HPSE2: variants seen among roughly 807,000 people sequenced by gnomAD.
HPSE2 encodes heparanase 2 (inactive).
A neutral mutation model predicts 60.5 loss-of-function variants in HPSE2; 38 were observed. That is an observed-to-expected ratio of 0.63 (90% CI 0.48 to 0.82). The LOEUF (loss-of-function observed/expected upper bound fraction) is 0.82, where lower values mean the gene tolerates loss of function less well. HPSE2 is among the 40% of genes least tolerant of loss of function. HPSE2 has a pLI of 0.00. For missense variants in HPSE2, 713 were observed against 740.4 expected, an observed-to-expected ratio of 0.96 and a Z score of 0.43; for synonymous variants, 295 against 293.2, an observed-to-expected ratio of 1.01 and a Z score of -0.06.
intron 3 of HPSE2, among the ~76,000 whole-genome samples, chr10:99,128,496 C>T (rs558641301): frequency 2.6e-5 from 4 of 152,194 alleles, no homozygotes; most frequent in African/African-American, 9.6e-5. Context: ...GAATACGATG[C>T]AGCCATAAAA....
intron 5 of HPSE2, among the ~76,000 whole-genome samples, chr10:98,720,533 T>A (rs977902036): frequency 2.0e-5 from 3 of 152,166 alleles, no homozygotes; most frequent in Non-Finnish European, 4.4e-5. Flanking sequence ...TGAAACCTGA[T>A]GAAATTGTTC....
chr10:98,595,238 C>G (rs111970298), intron 9 of HPSE2, among the ~76,000 whole-genome samples: 1 of 143,040 alleles, frequency 7.0e-6, no homozygotes. Context: ...GGTGCAATCT[C>G]GGCTCACTGC....
rs1168639694 is a variant in HPSE2, at chr10:98,895,867, T to G, written c.611-151811A>C. Among the ~76,000 whole-genome samples the G allele has an allele frequency of 4.3e-5, 6 of 138,076 alleles. No homozygotes were observed. The East Asian group carries it at 1.3e-3, about 30-fold the overall frequency. 90.6% of individuals were successfully genotyped at this position (138,076 alleles called of 152,430 possible). On this transcript the variant is annotated intron_variant, in intron 3 of 11. Transcript: ENST00000370552. ...ACCAAACACTGCATGTTCTCACTCA[T>G]AGATGGGAATTGAACAATGAGAACA...
intron 11 of HPSE2, 127 bp from the exon 12 acceptor site, chr10:98,459,866 C>T (rs925233756): frequency 3.3e-6 from 3 of 910,562 alleles, no homozygotes; most frequent in African/African-American, 3.3e-5. Context: ...TTGTTACTGG[C>T]TATGCCCTAG....
At chr10:98,584,725 C>T (rs1944893524) in intron 9 of HPSE2, among the ~76,000 whole-genome samples, 1 of 152,162 alleles carries the variant, frequency 6.6e-6, no homozygotes, top group African/African-American at 2.4e-5. Flanking sequence ...AAGATGCTAC[C>T]AAGAGTCTGT....
At chr10:98,996,280 G>A (rs1956640386) in intron 3 of HPSE2, among the ~76,000 whole-genome samples, 7 of 152,090 alleles carry the variant, frequency 4.6e-5, no homozygotes, top group Admixed American at 2.6e-4. Context: ...AAAATTGTTT[G>A]AAAATTAAAA....
In HPSE2 at chr10:99,203,032, C is replaced by T. The variant is rs531914393; in HGVS notation, c.448+29316G>A. Among the ~76,000 whole-genome samples the T allele has an allele frequency of 1.2e-3, 180 of 152,200 alleles. 1 individual carries two copies. In the South Asian group the frequency reaches 0.035, roughly 29 times the overall value. ...TGGACAGGCCCCCATGGCCCCAGAA[C>T]GAGCCTCCAAACCTTCCCTCATGCC... On this transcript the variant is annotated intron_variant, in intron 2 of 11. Transcript: ENST00000370552.
At chr10:98,677,488 TTA>T (rs1395171233) in intron 6 of HPSE2, among the ~76,000 whole-genome samples, 1 of 152,184 alleles carries the variant, frequency 6.6e-6, no homozygotes, top group Admixed American at 6.5e-5. Context: ...AACTCACATT[TTA>T]TGAGGGCTCA....
At chr10:99,090,232 C>T (rs982824070) in intron 3 of HPSE2, among the ~76,000 whole-genome samples, 11 of 152,046 alleles carry the variant, frequency 7.2e-5, no homozygotes, top group African/African-American at 2.4e-4. Flanking sequence ...CCCTAGCCCC[C>T]CTTTCCTGCT....
chr10:98,877,702 A>C (rs1952915208), intron 3 of HPSE2, among the ~76,000 whole-genome samples: 2 of 151,944 alleles, frequency 1.3e-5, no homozygotes, highest in Admixed American at 6.6e-5. Flanking sequence ...CTAAAAATTA[A>C]ATGTGCAGTT....
intron 2 of HPSE2, among the ~76,000 whole-genome samples, chr10:99,164,278 T>C (rs1296841353): frequency 9.5e-6 from 1 of 104,820 alleles, no homozygotes; most frequent in African/African-American, 3.4e-5. Context: ...TATATATATA[T>C]ATATGAACTT....
At chr10:99,008,506 A>C (rs1470480399) in intron 3 of HPSE2, among the ~76,000 whole-genome samples, 1 of 152,238 alleles carries the variant, frequency 6.6e-6, no homozygotes, top group African/African-American at 2.4e-5. Context: ...CAAGATTGAC[A>C]GGTAAACTCC....
At chr10:99,161,574 C>T (rs1027786975) in intron 2 of HPSE2, among the ~76,000 whole-genome samples, 1 of 152,090 alleles carries the variant, frequency 6.6e-6, no homozygotes, top group Non-Finnish European at 1.5e-5. Context: ...TGATTGTAAA[C>T]AAGCATAAGA....
the HPSE2 span, among the ~76,000 whole-genome samples, chr10:99,241,867 T>G: frequency 1.3e-5 from 2 of 152,222 alleles, no homozygotes; most frequent in African/African-American, 4.8e-5. Flanking sequence ...ATGACTATGG[T>G]AAGAATTAAG....
chr10:98,662,918 T>A (rs1325979891), intron 6 of HPSE2, among the ~76,000 whole-genome samples: 2 of 152,200 alleles, frequency 1.3e-5, no homozygotes, highest in African/African-American at 4.8e-5. Flanking sequence ...CAAGCCTATA[T>A]AATAAATTTA....
chr10:98,983,175 T>A (rs1324346904), intron 3 of HPSE2, among the ~76,000 whole-genome samples: 1 of 152,196 alleles, frequency 6.6e-6, no homozygotes, highest in African/African-American at 2.4e-5. Flanking sequence ...ACATTACATT[T>A]ATTGTGCACT....
intron 9 of HPSE2, among the ~76,000 whole-genome samples, chr10:98,600,876 T>C (rs1945386440): frequency 2.0e-5 from 1 of 51,026 alleles, no homozygotes; most frequent in South Asian, 8.7e-4. Flanking sequence ...CGTATATATG[T>C]ATATATACAT....
intron 3 of HPSE2, among the ~76,000 whole-genome samples, chr10:98,849,754 T>G (rs1284772483): frequency 1.3e-5 from 2 of 150,862 alleles, no homozygotes; most frequent in Non-Finnish European, 3.0e-5. Context: ...GCTCCTCGAT[T>G]TTTTTTTTTG....
At chr10:98,667,881 G>A (rs1444577494) in intron 6 of HPSE2, among the ~76,000 whole-genome samples, 1 of 152,156 alleles carries the variant, frequency 6.6e-6, no homozygotes, top group African/African-American at 2.4e-5. Context: ...AGACGAGGAT[G>A]CCCACTCTTA....
Sources: gnomAD v4.1 joint callset for allele counts (sites outside exome capture counted in the v4.1 genomes callset) on GRCh38, gnomAD v4.1.1 for gene constraint, MANE v1.5 for transcripts, NCBI Gene and HGNC (gene_info 2026-07-23, HGNC 2026-07-21) for gene names.